GNG4: variants seen among roughly 807,000 people sequenced by gnomAD.
The protein encoded by GNG4 is G protein subunit gamma 4, also known as guanine nucleotide-binding protein G(I)/G(S)/G(O) subunit gamma-4.
A neutral mutation model predicts 5.8 loss-of-function variants in GNG4; 4 were observed. The observed-to-expected ratio is 0.69, with a 90% CI of 0.34 to 1.57. The LOEUF is 1.57. Among genes scored for constraint, GNG4 ranks in the 40% most tolerant of loss-of-function variants. The pLI is 0.06. For missense variants in GNG4, 96 were observed against 95.1 expected (o/e 1.01, Z -0.04); for synonymous variants, 29 against 32.9 (o/e 0.88, Z 0.41).
intron 1 of GNG4, among the ~76,000 whole-genome samples, chr1:235,613,139 C>T (rs1459189352): frequency 1.3e-5 from 2 of 152,056 alleles, no homozygotes; most frequent in Admixed American, 1.3e-4. Flanking sequence ...AACATTCAGA[C>T]CATAGCAGTC....
chr1:235,619,134 A>T (rs1187536566), intron 1 of GNG4, among the ~76,000 whole-genome samples: 1 of 32,064 alleles, frequency 3.1e-5, no homozygotes, highest in South Asian at 1.0e-3. Flanking sequence ...CGCTGTCTCT[A>T]AAAAAAAAAA....
intron 1 of GNG4, among the ~76,000 whole-genome samples, chr1:235,613,991 T>A (rs1688534591): frequency 6.6e-6 from 1 of 152,214 alleles, no homozygotes; most frequent in African/African-American, 2.4e-5. Context: ...TTTTTGTATT[T>A]ATTGTAGAGA....
At chr1:235,590,871 A>G (rs1245852936) in intron 2 of GNG4, among the ~76,000 whole-genome samples, 1 of 152,174 alleles carries the variant, frequency 6.6e-6, no homozygotes, top group East Asian at 1.9e-4. Context: ...TGGGACGCAT[A>G]GGATGTCTCA....
In GNG4 at chr1:235,548,463, G is replaced by C. The variant is rs1686642372; in HGVS notation, c.*3646C>G. ...GCCAGCCCTACCCACCTGCCTTGCTGTATGACTACCAACCCCGGACCACGG... is the reference window on the plus strand; with the variant it reads ...GCCAGCCCTACCCACCTGCCTTGCTCTATGACTACCAACCCCGGACCACGG... On this transcript the variant is annotated 3_prime_UTR_variant, in exon 4 of 4. Transcript: ENST00000391854. 1 of 152,492 alleles carries C rather than the reference G, an allele frequency of 6.6e-6. No homozygotes were observed. Among genetic ancestry groups the C allele is most frequent in the Non-Finnish European group, 1.5e-5 (1 of 68,284 alleles). The allele number at this position is 152,492 out of a possible 1,614,324, so 9.4% of individuals were successfully genotyped here.
chr1:235,570,394 C>CTTTTTTTTTTT (rs11459490), intron 3 of GNG4, among the ~76,000 whole-genome samples: 1 of 105,556 alleles, frequency 9.5e-6, no homozygotes, highest in Non-Finnish European at 1.8e-5. Context: ...TTCACCTCTT[C>CTTTTTTTTTTT]TTTTTTTTTT....
intron 3 of GNG4, among the ~76,000 whole-genome samples, chr1:235,553,059 A>G (rs1686795296): frequency 1.2e-5 from 1 of 82,834 alleles, no homozygotes; most frequent in Non-Finnish European, 2.2e-5. Context: ...GTGCCCAGCC[A>G]GCACACATGT....
chr1:235,639,387 A>C (rs1302657773), intron 1 of GNG4, among the ~76,000 whole-genome samples: 2 of 152,196 alleles, frequency 1.3e-5, no homozygotes, highest in Non-Finnish European at 2.9e-5. Flanking sequence ...GCTGAAACAG[A>C]GCCCCCAGCC....
intron 2 of GNG4, among the ~76,000 whole-genome samples, chr1:235,590,307 T>C (rs767568124): frequency 7.2e-5 from 11 of 151,950 alleles, no homozygotes; most frequent in Admixed American, 1.3e-4. Context: ...ATACAAAAAT[T>C]AGCCAGGCAT....
At chr1:235,582,434 T>C (rs2841891) in intron 3 of GNG4, among the ~76,000 whole-genome samples, 111,690 of 152,154 alleles carry the variant, frequency 0.73, 42,433 homozygotes, top group African/African-American at 0.93. Context: ...CTCACAACTC[T>C]GAGAAGTCTT....
chr1:235,565,052 G>A lies in GNG4; in HGVS notation c.100-12815C>T, dbSNP rs115592656. Among the ~76,000 whole-genome samples, 860 of 152,262 alleles carry A rather than the reference G, an allele frequency of 5.6e-3. 5 individuals are homozygous for A. The highest frequency in any genetic ancestry group is 0.019 in the African/African-American group (808 of 41,542). On this transcript the variant is annotated intron_variant, in intron 3 of 3. Coordinates refer to ENST00000391854, the MANE Select transcript of GNG4 (RefSeq NM_001098722.2). ...ACTTCTTTCCTACCATGCCATCCCCGTGTGGAAGTTATTTCGATTCAGTCA... is the reference window on the plus strand; with the variant it reads ...ACTTCTTTCCTACCATGCCATCCCCATGTGGAAGTTATTTCGATTCAGTCA...
At chr1:235,630,054 G>T (rs73122525) in intron 1 of GNG4, among the ~76,000 whole-genome samples, 2,271 of 152,100 alleles carry the variant, frequency 0.015, 68 homozygotes, top group African/African-American at 0.051. Flanking sequence ...ATTTTCTTTT[G>T]TACAATGATG....
chr1:235,572,951 T>G (rs1224440453), intron 3 of GNG4, among the ~76,000 whole-genome samples: 1 of 152,154 alleles, frequency 6.6e-6, no homozygotes, highest in East Asian at 1.9e-4. Flanking sequence ...AAAGAAATAA[T>G]CAGACATGAA....
intron 1 of GNG4, among the ~76,000 whole-genome samples, chr1:235,606,521 G>C (rs543237273): frequency 7.2e-5 from 11 of 152,128 alleles, no homozygotes; most frequent in African/African-American, 1.9e-4. Context: ...TGCTGGGGAG[G>C]GGGGAAAGGA....
At chr1:235,606,536 A>C (rs1022107591) in intron 1 of GNG4, among the ~76,000 whole-genome samples, 1 of 152,028 alleles carries the variant, frequency 6.6e-6, no homozygotes, top group East Asian at 1.9e-4. Context: ...AAAGGAAGGC[A>C]TATCTGGGCT....
intron 1 of GNG4, among the ~76,000 whole-genome samples, chr1:235,612,252 A>G (rs1056010534): frequency 6.6e-6 from 1 of 152,180 alleles, no homozygotes; most frequent in African/African-American, 2.4e-5. Flanking sequence ...CGATCTATTC[A>G]GAAGGATGGG....
At chr1:235,600,099 G>GTTTTTTTT (rs1558492553) in intron 1 of GNG4, among the ~76,000 whole-genome samples, 6 of 51,412 alleles carry the variant, frequency 1.2e-4, no homozygotes, top group Non-Finnish European at 2.5e-4. Context: ...GCGGAAGAAA[G>GTTTTTTTT]CTTTTTTTTT....
At chr1:235,582,247 C>A (rs1011317577) in intron 3 of GNG4, among the ~76,000 whole-genome samples, 3 of 152,234 alleles carry the variant, frequency 2.0e-5, no homozygotes, top group African/African-American at 7.2e-5. Flanking sequence ...TGGTTCACCT[C>A]ACACACCTGT....
At position 235,603,090 on chromosome 1, in the gene GNG4, A is replaced by G. The variant is rs550278361; in HGVS notation, c.-122-7579T>C. Among the ~76,000 whole-genome samples the G allele has an allele frequency of 2.6e-5, 4 of 152,138 alleles. No homozygotes were observed. In the South Asian group the frequency reaches 8.3e-4, roughly 32 times the overall value. On this transcript the variant is annotated intron_variant, in intron 1 of 3. Coordinates refer to ENST00000391854, the MANE Select transcript of GNG4 (RefSeq NM_001098722.2). Reference sequence around the variant, plus strand: ...AAACCCTGTCTTTACTAAAAATACAAAAATTAGCCAGGTGTGGTGGCAGGT... The same window carrying G: ...AAACCCTGTCTTTACTAAAAATACAGAAATTAGCCAGGTGTGGTGGCAGGT...
intron 3 of GNG4, among the ~76,000 whole-genome samples, chr1:235,572,562 T>C (rs922658106): frequency 3.5e-5 from 5 of 142,528 alleles, no homozygotes; most frequent in African/African-American, 1.3e-4. Flanking sequence ...AGTGAGGTGG[T>C]ATGTTCTCAG....
Sources: allele counts gnomAD v4.1 joint callset (sites outside exome capture counted in the v4.1 genomes callset), GRCh38; gene constraint gnomAD v4.1.1; transcripts MANE v1.5; gene names NCBI Gene and HGNC (gene_info 2026-07-23, HGNC 2026-07-21).